NR3C1: variants seen among roughly 807,000 people sequenced by gnomAD.
NR3C1 encodes nuclear receptor subfamily 3 group C member 1.
In NR3C1, 14 loss-of-function variants were observed where a neutral mutation model predicts 74.0. The observed-to-expected ratio is 0.19, with a 90% CI of 0.12 to 0.30. The LOEUF (loss-of-function observed/expected upper bound fraction) is 0.30, where lower values mean the gene tolerates loss of function less well. Ranked by LOEUF, NR3C1 falls within the 10% of genes least tolerant of loss-of-function variation. NR3C1 has a pLI of 1.00. For synonymous variants in NR3C1, 308 were observed against 332.5 expected, an observed-to-expected ratio of 0.93 and a Z score of 0.80; for missense variants, 695 against 909.8, an observed-to-expected ratio of 0.76 and a Z score of 3.04.
At chr5:143,380,033 T>C (rs146945136) in intron 2 of NR3C1, among the ~76,000 whole-genome samples, 11 of 152,332 alleles carry the variant, frequency 7.2e-5, no homozygotes, top group African/African-American at 2.2e-4. Flanking sequence ...GGAGTGATAA[T>C]TGCCAAATCT....
chr5:143,383,850 C>T (rs535374173), intron 2 of NR3C1, among the ~76,000 whole-genome samples: 26 of 152,196 alleles, frequency 1.7e-4, no homozygotes, highest in African/African-American at 5.3e-4. Context: ...CCATAATCCT[C>T]GAAAAAAGTA....
chr5:143,364,068 A>C (rs1235744397), intron 2 of NR3C1, among the ~76,000 whole-genome samples: 1 of 152,226 alleles, frequency 6.6e-6, no homozygotes, highest in Non-Finnish European at 1.5e-5. Flanking sequence ...GAACAGACTA[A>C]TAAAGTACAC....
At chr5:143,376,505 C>T (rs1276216250) in intron 2 of NR3C1, among the ~76,000 whole-genome samples, 1 of 152,196 alleles carries the variant, frequency 6.6e-6, no homozygotes, top group Non-Finnish European at 1.5e-5. Context: ...AGGCCTGCTG[C>T]TTTTGGCTTT....
intron 8 of NR3C1, 26 bp downstream of exon 8, chr5:143,282,542 T>C (rs780036686): frequency 1.2e-6 from 2 of 1,613,166 alleles, no homozygotes; most frequent in Middle Eastern, 1.6e-4. Context: ...AAAACTCTTA[T>C]ATTTGGCTTT....
intron 2 of NR3C1, among the ~76,000 whole-genome samples, chr5:143,366,541 A>G (rs2151838477): frequency 6.6e-6 from 1 of 151,968 alleles, no homozygotes; most frequent in South Asian, 2.1e-4. Context: ...TCCCCTGAAA[A>G]CGGACAAAAC....
At chr5:143,297,294 C>T (rs912995916) in intron 6 of NR3C1, among the ~76,000 whole-genome samples, 9 of 151,976 alleles carry the variant, frequency 5.9e-5, no homozygotes, top group Admixed American at 5.9e-4. Context: ...AATCTGAATG[C>T]CCTAATAATA....
chr5:143,286,069 G>A (rs1484173990), intron 7 of NR3C1, among the ~76,000 whole-genome samples: 1 of 151,510 alleles, frequency 6.6e-6, no homozygotes, highest in Non-Finnish European at 1.5e-5. Context: ...GATATTATGG[G>A]AATATTATGA....
At chr5:143,350,251 G>A (rs76758285) in intron 2 of NR3C1, among the ~76,000 whole-genome samples, 222 of 152,192 alleles carry the variant, frequency 1.5e-3, no homozygotes, top group African/African-American at 5.3e-3. Flanking sequence ...AAGATGACAA[G>A]GGAGCCAGTC....
At chr5:143,358,885 A>G (rs189406388) in intron 2 of NR3C1, among the ~76,000 whole-genome samples, 1 of 151,812 alleles carries the variant, frequency 6.6e-6, no homozygotes, top group Admixed American at 6.6e-5. Context: ...CGTGAACAAG[A>G]GCAAAACTCC....
chr5:143,338,302 T>C (rs138003193), intron 2 of NR3C1, among the ~76,000 whole-genome samples: 38 of 152,280 alleles, frequency 2.5e-4, no homozygotes, highest in Non-Finnish European at 4.7e-4. Context: ...ATGTATTTAC[T>C]GTATTATACT....
At chr5:143,404,243 T>C, upstream of NR3C1, 2 of 985,082 alleles carry the variant, frequency 2.0e-6, no homozygotes, top group Non-Finnish European at 2.4e-6. Flanking sequence ...GTGTGTCACT[T>C]CGAAAGGGGC....
intron 2 of NR3C1, chr5:143,332,528 T>A: frequency 1.5e-6 from 1 of 654,158 alleles, no homozygotes; most frequent in East Asian, 2.8e-5. Flanking sequence ...AACCTGCACA[T>A]CCTGCACATG....
At chr5:143,296,191 A>G (rs2151536140) in intron 6 of NR3C1, among the ~76,000 whole-genome samples, 1 of 152,312 alleles carries the variant, frequency 6.6e-6, no homozygotes. Flanking sequence ...TGATTTTCAA[A>G]TAGGTCTCTA....
intron 2 of NR3C1, among the ~76,000 whole-genome samples, chr5:143,390,680 A>C (rs1218313986): frequency 1.3e-5 from 2 of 152,192 alleles, no homozygotes; most frequent in East Asian, 3.8e-4. Flanking sequence ...CCCATTTCAG[A>C]ATAGTCACCC....
intron 2 of NR3C1, among the ~76,000 whole-genome samples, chr5:143,326,997 AGCT>A (rs756729442): frequency 2.0e-5 from 3 of 152,252 alleles, no homozygotes; most frequent in Non-Finnish European, 4.4e-5. Context: ...ACATAATAAT[AGCT>A]GCTATTTACT....
chr5:143,287,365 C>A (rs552757513), intron 7 of NR3C1, among the ~76,000 whole-genome samples: 1 of 152,174 alleles, frequency 6.6e-6, no homozygotes, highest in Admixed American at 6.5e-5. Context: ...CTCTATGGAT[C>A]CTACAAAACT....
chr5:143,384,043 C>T (rs1477709918), intron 2 of NR3C1, among the ~76,000 whole-genome samples: 1 of 152,160 alleles, frequency 6.6e-6, no homozygotes, highest in Non-Finnish European at 1.5e-5. Context: ...GGAAGCATGA[C>T]TGAGAGGCCT....
At chr5:143,348,258 C>T (rs1829653697) in intron 2 of NR3C1, among the ~76,000 whole-genome samples, 2 of 152,170 alleles carry the variant, frequency 1.3e-5, no homozygotes, top group Non-Finnish European at 2.9e-5. Flanking sequence ...AAACTATAAA[C>T]TACAACACTC....
chr5:143,366,828 A>G (rs1833300994), intron 2 of NR3C1, among the ~76,000 whole-genome samples: 1 of 152,140 alleles, frequency 6.6e-6, no homozygotes, highest in South Asian at 2.1e-4. Flanking sequence ...AAACTTCCAA[A>G]GAAGACCCCA....
Sources: allele counts gnomAD v4.1 joint callset (sites outside exome capture counted in the v4.1 genomes callset), GRCh38; gene constraint gnomAD v4.1.1; transcripts MANE v1.5; gene names NCBI Gene and HGNC (gene_info 2026-07-23, HGNC 2026-07-21).